NEGR1: variants seen among roughly 807,000 people sequenced by gnomAD.
NEGR1 encodes neuronal growth regulator 1.
A neutral mutation model predicts 40.9 loss-of-function variants in NEGR1; 10 were observed. That is an observed-to-expected ratio of 0.24 (90% CI 0.15 to 0.42). The LOEUF (loss-of-function observed/expected upper bound fraction) is 0.42, where lower values mean the gene tolerates loss of function less well. Among genes scored for constraint, NEGR1 ranks in the 10% least tolerant of loss-of-function variants. NEGR1 has a pLI of 1.00. For missense variants in NEGR1, 352 were observed against 438.9 expected, an observed-to-expected ratio of 0.80 and a Z score of 1.77; for synonymous variants, 185 against 166.8, an observed-to-expected ratio of 1.11 and a Z score of -0.84.
At chr1:71,954,419 G>C (rs1282630136) in intron 1 of NEGR1, among the ~76,000 whole-genome samples, 1 of 151,746 alleles carries the variant, frequency 6.6e-6, no homozygotes, top group Non-Finnish European at 1.5e-5. Flanking sequence ...TAGGAGAAAG[G>C]CTTTTTTGAT....
chr1:71,479,019 A>G (rs1200914068), intron 6 of NEGR1, among the ~76,000 whole-genome samples: 2 of 152,048 alleles, frequency 1.3e-5, no homozygotes, highest in Non-Finnish European at 2.9e-5. Flanking sequence ...TTAAGTGTAT[A>G]GTTATTACAG....
chr1:71,484,178 C>T (rs543425933), intron 6 of NEGR1, among the ~76,000 whole-genome samples: 4 of 151,718 alleles, frequency 2.6e-5, no homozygotes, highest in Non-Finnish European at 5.9e-5. Flanking sequence ...GCTTTCTCTA[C>T]ACCAATTTTC....
At chr1:71,637,329 C>T (rs1310112588) in intron 4 of NEGR1, among the ~76,000 whole-genome samples, 1 of 151,884 alleles carries the variant, frequency 6.6e-6, no homozygotes, top group Non-Finnish European at 1.5e-5. Flanking sequence ...ACAGATTCAT[C>T]TCCTTTCAAA....
At chr1:71,897,920 A>G (rs1239270347) in intron 2 of NEGR1, among the ~76,000 whole-genome samples, 1 of 152,212 alleles carries the variant, frequency 6.6e-6, no homozygotes, top group Non-Finnish European at 1.5e-5. Context: ...AATTCAGAAG[A>G]AAATTATTTC....
chr1:72,107,268 C>T (rs1272778848), intron 1 of NEGR1, among the ~76,000 whole-genome samples: 1 of 151,564 alleles, frequency 6.6e-6, no homozygotes, highest in Admixed American at 6.6e-5. Flanking sequence ...TGTTCTAATA[C>T]ACAAACTTCA....
intron 2 of NEGR1, among the ~76,000 whole-genome samples, chr1:71,933,040 A>C (rs3856029): frequency 0.22 from 33,339 of 151,948 alleles, 4,018 homozygotes; most frequent in Admixed American, 0.36. Context: ...ATTAGCTTTT[A>C]ATTTTATCCA....
At chr1:71,451,418 CCGCCT>C (rs2101328780) in intron 6 of NEGR1, among the ~76,000 whole-genome samples, 3 of 150,986 alleles carry the variant, frequency 2.0e-5, no homozygotes, top group Non-Finnish European at 4.4e-5. Context: ...ACTGCAACCT[CCGCCT>C]CCTGGGTTCA....
chr1:71,931,803 A>G (rs946513310), intron 2 of NEGR1, among the ~76,000 whole-genome samples: 6 of 152,170 alleles, frequency 3.9e-5, no homozygotes, highest in African/African-American at 1.4e-4. Context: ...GGCAGTGTCT[A>G]TATTTCATGT....
chr1:71,818,861 A>C (rs924426311), intron 2 of NEGR1, among the ~76,000 whole-genome samples: 4 of 151,980 alleles, frequency 2.6e-5, no homozygotes, highest in African/African-American at 9.7e-5. Context: ...GAGCAAAACA[A>C]AAAATGTTTT....
chr1:71,938,237 A>G (rs1296870722), intron 1 of NEGR1, among the ~76,000 whole-genome samples: 1 of 152,138 alleles, frequency 6.6e-6, no homozygotes, highest in Non-Finnish European at 1.5e-5. Flanking sequence ...AAATTACCAT[A>G]CATGGAATTT....
chr1:72,018,494 C>G (rs751644444), intron 1 of NEGR1, among the ~76,000 whole-genome samples: 1 of 152,020 alleles, frequency 6.6e-6, no homozygotes, highest in Non-Finnish European at 1.5e-5. Context: ...ATATTATGTA[C>G]GTTTTATGAC....
intron 1 of NEGR1, among the ~76,000 whole-genome samples, chr1:72,140,879 A>G (rs2630437): frequency 0.95 from 144,755 of 151,890 alleles, 69,136 homozygotes; most frequent in East Asian, 1. Flanking sequence ...ACTTTCCAAA[A>G]GGAATTTATA....
intron 1 of NEGR1, among the ~76,000 whole-genome samples, chr1:72,280,732 T>A (rs1474885592): frequency 6.6e-6 from 1 of 152,194 alleles, no homozygotes; most frequent in Non-Finnish European, 1.5e-5. Flanking sequence ...TTTGAACTCA[T>A]AGGCATGTTC....
At chr1:71,863,870 C>A (rs745949433) in intron 2 of NEGR1, among the ~76,000 whole-genome samples, 7 of 152,040 alleles carry the variant, frequency 4.6e-5, no homozygotes, top group Admixed American at 2.6e-4. Context: ...ATTAAAATAT[C>A]ATTTCTTAAC....
rs1324143999 is a variant in NEGR1 at position 72,282,515 on chromosome 1, C to T, written c.-21G>A. 4 of 1,590,708 alleles carry T rather than the reference C, an allele frequency of 2.5e-6. No individual in the cohort carries two copies. The highest frequency in any genetic ancestry group is 2.3e-5 in the East Asian group (1 of 44,114). On this transcript the variant is annotated 5_prime_UTR_variant, in exon 1 of 7. Coordinates refer to ENST00000357731, the MANE Select transcript of NEGR1 (RefSeq NM_173808.3). Reference sequence around the variant, plus strand: ...TCCATCCCTGCTAGGGCTGCTCACTCTCCAGCAGCTTTCAGCTCGCACTCC... The same window carrying T: ...TCCATCCCTGCTAGGGCTGCTCACTTTCCAGCAGCTTTCAGCTCGCACTCC...
intron 6 of NEGR1, among the ~76,000 whole-genome samples, chr1:71,472,369 C>A (rs952771624): frequency 6.6e-6 from 1 of 152,064 alleles, no homozygotes; most frequent in Non-Finnish European, 1.5e-5. Flanking sequence ...ATAGGCCTGC[C>A]TAAATACAGC....
At chr1:71,724,299 G>A (rs984059091) in intron 3 of NEGR1, among the ~76,000 whole-genome samples, 2 of 152,018 alleles carry the variant, frequency 1.3e-5, no homozygotes, top group African/African-American at 4.8e-5. Flanking sequence ...TTTTATCTTA[G>A]GAAGTTCATT....
chr1:71,438,993 A>G (rs544319449), intron 6 of NEGR1, among the ~76,000 whole-genome samples: 2 of 152,328 alleles, frequency 1.3e-5, no homozygotes, highest in South Asian at 4.1e-4. Context: ...TATTCTGATC[A>G]GTAAATAACT....
chr1:71,527,543 T>C (rs1317597968), intron 6 of NEGR1, among the ~76,000 whole-genome samples: 2 of 151,554 alleles, frequency 1.3e-5, no homozygotes, highest in East Asian at 3.9e-4. Flanking sequence ...TTCTTGCTAT[T>C]GTGTGATTAT....
Sources: gnomAD v4.1 joint callset for allele counts (sites outside exome capture counted in the v4.1 genomes callset) on GRCh38, gnomAD v4.1.1 for gene constraint, MANE v1.5 for transcripts, NCBI Gene and HGNC (gene_info 2026-07-23, HGNC 2026-07-21) for gene names.